Variants in LSAMP observed in about 807,000 individuals in gnomAD.
The protein encoded by LSAMP is limbic system-associated membrane protein.
A neutral mutation model predicts 38.6 loss-of-function variants in LSAMP; 7 were observed. That is an observed-to-expected ratio of 0.18 (90% CI 0.10 to 0.34). The LOEUF (loss-of-function observed/expected upper bound fraction) is 0.34, where lower values mean the gene tolerates loss of function less well. LSAMP is among the 10% of genes least tolerant of loss of function. The pLI, the probability that LSAMP is intolerant of heterozygous loss-of-function variation, is 1.00. For synonymous variants in LSAMP, 154 were observed against 166.8 expected, an observed-to-expected ratio of 0.92 and a Z score of 0.59; for missense variants, 313 against 420.0, an observed-to-expected ratio of 0.75 and a Z score of 2.23.
chr3:116,184,257 T>C (rs1478433892), intron 1 of LSAMP, among the ~76,000 whole-genome samples: 1 of 151,884 alleles, frequency 6.6e-6, no homozygotes, highest in Non-Finnish European at 1.5e-5. Flanking sequence ...CAATGATGGA[T>C]TTTACTACCA....
chr3:116,035,438 A>T (rs1197959895), intron 2 of LSAMP, among the ~76,000 whole-genome samples: 2 of 152,204 alleles, frequency 1.3e-5, no homozygotes, highest in African/African-American at 4.8e-5. Context: ...TAGTCTACTA[A>T]TATGATAATA....
intron 1 of LSAMP, among the ~76,000 whole-genome samples, chr3:116,272,630 G>C (rs1209101472): frequency 6.6e-6 from 1 of 152,008 alleles, no homozygotes; most frequent in African/African-American, 2.4e-5. Context: ...GTGTTTTCTT[G>C]CCTTTGCTTT....
chr3:116,175,503 T>C (rs1469355569), intron 1 of LSAMP, among the ~76,000 whole-genome samples: 1 of 152,066 alleles, frequency 6.6e-6, no homozygotes, highest in Non-Finnish European at 1.5e-5. Context: ...AGTTGTATCC[T>C]GCTTTGATTT....
chr3:116,102,038 T>C (rs1576363202), intron 1 of LSAMP, among the ~76,000 whole-genome samples: 1 of 152,298 alleles, frequency 6.6e-6, no homozygotes, highest in East Asian at 1.9e-4. Context: ...AACTTTAAAA[T>C]TTTTTCTTTC....
intron 1 of LSAMP, among the ~76,000 whole-genome samples, chr3:116,131,826 C>T (rs1005241439): frequency 7.3e-5 from 11 of 149,682 alleles, no homozygotes; most frequent in Middle Eastern, 3.4e-3. Context: ...AATTTCTTTT[C>T]TTTTTCTTTT....
intron 2 of LSAMP, among the ~76,000 whole-genome samples, chr3:116,067,531 G>A (rs1707489722): frequency 6.6e-6 from 1 of 152,180 alleles, no homozygotes; most frequent in Non-Finnish European, 1.5e-5. Flanking sequence ...AACACCAGCT[G>A]TCACAAGCAG....
intron 3 of LSAMP, among the ~76,000 whole-genome samples, chr3:116,017,188 A>T (rs1307235267): frequency 6.6e-6 from 1 of 152,162 alleles, no homozygotes. Flanking sequence ...CTGGTTCCAC[A>T]TCAGAAGTTT....
At chr3:116,139,073 C>T (rs1398794433) in intron 1 of LSAMP, among the ~76,000 whole-genome samples, 1 of 151,648 alleles carries the variant, frequency 6.6e-6, no homozygotes, top group Non-Finnish European at 1.5e-5. Context: ...ATATAATATA[C>T]ATTATCAGGA....
intron 1 of LSAMP, among the ~76,000 whole-genome samples, chr3:116,256,817 G>A (rs1343273523): frequency 4.6e-5 from 7 of 151,772 alleles, no homozygotes; most frequent in Admixed American, 3.9e-4. Context: ...GGATGAATCC[G>A]ATAAATCAGA....
At chr3:115,824,709 TAAA>T (rs79375900) in intron 6 of LSAMP, among the ~76,000 whole-genome samples, 4 of 128,594 alleles carry the variant, frequency 3.1e-5, no homozygotes, top group Admixed American at 8.0e-5. Flanking sequence ...GACTCCGTCT[TAAA>T]AAAAAAAAAA....
chr3:116,009,750 A>C (rs897167723), intron 3 of LSAMP, among the ~76,000 whole-genome samples: 3 of 152,020 alleles, frequency 2.0e-5, no homozygotes, highest in African/African-American at 7.3e-5. Context: ...GACTCAACTT[A>C]TTAACTGTCA....
intron 3 of LSAMP, among the ~76,000 whole-genome samples, chr3:115,989,290 G>A (rs190340430): frequency 6.6e-6 from 1 of 152,152 alleles, no homozygotes; most frequent in East Asian, 1.9e-4. Flanking sequence ...AATTTGCATT[G>A]TACCTCACAC....
intron 4 of LSAMP, among the ~76,000 whole-genome samples, chr3:115,844,932 G>A (rs1189915131): frequency 2.6e-5 from 4 of 152,114 alleles, no homozygotes; most frequent in Non-Finnish European, 5.9e-5. Context: ...AGCCGAGATC[G>A]AGCCACTGCA....
At chr3:116,065,718 G>A (rs375761954) in intron 2 of LSAMP, among the ~76,000 whole-genome samples, 17 of 152,242 alleles carry the variant, frequency 1.1e-4, no homozygotes, top group African/African-American at 3.6e-4. Context: ...AATTAAATAT[G>A]CCCAAGAGAA....
chr3:116,337,387 C>T (rs2047933965), intron 1 of LSAMP, among the ~76,000 whole-genome samples: 2 of 151,780 alleles, frequency 1.3e-5, no homozygotes. Context: ...CTGTTCGAAC[C>T]CTACATTGAT....
At chr3:116,178,828 G>A (rs1710415809) in intron 1 of LSAMP, among the ~76,000 whole-genome samples, 1 of 152,144 alleles carries the variant, frequency 6.6e-6, no homozygotes, top group African/African-American at 2.4e-5. Context: ...AAAACTGGAA[G>A]TTCTATCTTG....
At chr3:115,820,524 C>T (rs891458588) in intron 6 of LSAMP, among the ~76,000 whole-genome samples, 1 of 152,166 alleles carries the variant, frequency 6.6e-6, no homozygotes, top group African/African-American at 2.4e-5. Context: ...AGGCAAGTGC[C>T]TCGAGACATT....
chr3:115,876,827 C>T (rs895193557), intron 3 of LSAMP, among the ~76,000 whole-genome samples: 7 of 152,032 alleles, frequency 4.6e-5, no homozygotes, highest in African/African-American at 1.7e-4. Flanking sequence ...CCATCTAAGT[C>T]CCTGAGTTAT....
At chr3:116,098,989 A>T (rs1708285746) in intron 1 of LSAMP, among the ~76,000 whole-genome samples, 1 of 152,238 alleles carries the variant, frequency 6.6e-6, no homozygotes, top group Admixed American at 6.5e-5. Flanking sequence ...GCAATCTCCA[A>T]CCTACATAAA....
Sources: allele counts gnomAD v4.1 joint callset (sites outside exome capture counted in the v4.1 genomes callset), GRCh38; gene constraint gnomAD v4.1.1; transcripts MANE v1.5; gene names NCBI Gene and HGNC (gene_info 2026-07-23, HGNC 2026-07-21).